IMMP2L: variants seen among roughly 807,000 people sequenced by gnomAD.
The protein encoded by IMMP2L is inner mitochondrial membrane peptidase subunit 2.
IMMP2L carries 18 observed loss-of-function variants against 19.3 expected under a neutral mutation model. The ratio of observed to expected loss-of-function variants is 0.93; its 90% CI spans 0.64 to 1.38. The LOEUF (loss-of-function observed/expected upper bound fraction) is 1.38, where lower values mean the gene tolerates loss of function less well. IMMP2L is among the 40% of genes most tolerant of loss of function. IMMP2L has a pLI of 0.00. For synonymous variants in IMMP2L, 76 were observed against 73.0 expected (o/e 1.04, Z -0.21); for missense variants, 233 against 218.2 (o/e 1.07, Z -0.43).
At chr7:111,383,166 G>A (rs1219971230) in intron 3 of IMMP2L, among the ~76,000 whole-genome samples, 1 of 152,092 alleles carries the variant, frequency 6.6e-6, no homozygotes, top group Non-Finnish European at 1.5e-5. Context: ...AGAGACTGAA[G>A]AGAATAAAGA....
intron 5 of IMMP2L, among the ~76,000 whole-genome samples, chr7:110,683,324 G>A (rs998926866): frequency 2.6e-5 from 4 of 151,996 alleles, no homozygotes; most frequent in African/African-American, 9.7e-5. Flanking sequence ...TTTGCTTTCA[G>A]AAGGGTAAAT....
chr7:111,084,475 T>C (rs1796145871), intron 3 of IMMP2L, among the ~76,000 whole-genome samples: 1 of 151,942 alleles, frequency 6.6e-6, no homozygotes, highest in African/African-American at 2.4e-5. Context: ...GACGGATGGA[T>C]GGATGGATGC....
chr7:110,750,746 C>T (rs1797667790), intron 5 of IMMP2L, among the ~76,000 whole-genome samples: 1 of 152,006 alleles, frequency 6.6e-6, no homozygotes, highest in South Asian at 2.1e-4. Flanking sequence ...TTTCTGTACA[C>T]AGGCCACATT....
intron 3 of IMMP2L, among the ~76,000 whole-genome samples, chr7:111,087,525 T>C (rs951899323): frequency 6.6e-6 from 1 of 151,618 alleles, no homozygotes. Context: ...AATTTATATA[T>C]CAATCCCAAT....
intron 3 of IMMP2L, among the ~76,000 whole-genome samples, chr7:111,451,550 T>TGG (rs1237954010): frequency 2.0e-5 from 2 of 100,544 alleles, no homozygotes; most frequent in African/African-American, 4.0e-5. Flanking sequence ...TATCACACTC[T>TGG]GGGGACTGTG....
At chr7:110,835,456 G>A (rs994333114) in intron 5 of IMMP2L, among the ~76,000 whole-genome samples, 4 of 152,078 alleles carry the variant, frequency 2.6e-5, no homozygotes, top group African/African-American at 9.7e-5. Flanking sequence ...GAAGGTCTCT[G>A]GCTCATCAAC....
Position 110,760,292 on chromosome 7 carries a change from C to A in IMMP2L, c.409-96571G>T, listed in dbSNP as rs1002488686. Among the ~76,000 whole-genome samples the A allele has an allele frequency of 5.3e-5, 8 of 152,088 alleles. No individual in the cohort carries two copies. Among genetic ancestry groups the A allele is most frequent in the African/African-American group, 1.4e-4 (6 of 41,426 alleles). ...ACATCCAATATTGGACTACCCTTCA[C>A]ATTAAGTTTAAATTGGAAACTTCTT... On this transcript the variant is annotated intron_variant, in intron 5 of 5. Coordinates refer to ENST00000405709, the MANE Select transcript of IMMP2L (RefSeq NM_032549.4). The surrounding 1 kb of genome is among the most constrained non-coding windows in gnomAD (Gnocchi z 4.2).
At chr7:111,438,384 G>T (rs994576638) in intron 3 of IMMP2L, among the ~76,000 whole-genome samples, 2 of 151,472 alleles carry the variant, frequency 1.3e-5, no homozygotes, top group African/African-American at 4.9e-5. Context: ...AAAAAAAGAA[G>T]ATTTTTATGA....
intron 5 of IMMP2L, among the ~76,000 whole-genome samples, chr7:110,879,861 G>A (rs1417541405): frequency 6.6e-6 from 1 of 152,020 alleles, no homozygotes; most frequent in East Asian, 1.9e-4. Flanking sequence ...GGTAAGAGAG[G>A]GCTTTCTTGC....
At chr7:110,786,614 T>C (rs983423138) in intron 5 of IMMP2L, among the ~76,000 whole-genome samples, 1 of 152,014 alleles carries the variant, frequency 6.6e-6, no homozygotes, top group African/African-American at 2.4e-5. Context: ...ATGATCTAAA[T>C]ATACAACACT....
chr7:111,086,340 T>A (rs147036545), intron 3 of IMMP2L, among the ~76,000 whole-genome samples: 2 of 151,684 alleles, frequency 1.3e-5, no homozygotes, highest in African/African-American at 4.8e-5. Context: ...CTCTGGAAGC[T>A]GAGGTAGGAG....
intron 4 of IMMP2L, among the ~76,000 whole-genome samples, chr7:110,956,873 G>A (rs1158373152): frequency 6.6e-6 from 1 of 151,866 alleles, no homozygotes; most frequent in Admixed American, 6.6e-5. Flanking sequence ...TTTCATTTGT[G>A]GTTGCCTCAC....
At chr7:111,071,989 A>G (rs1157922373) in intron 3 of IMMP2L, among the ~76,000 whole-genome samples, 4 of 152,226 alleles carry the variant, frequency 2.6e-5, no homozygotes, top group African/African-American at 7.2e-5. Context: ...GGGTCATGAC[A>G]AATGAGTGAA....
chr7:111,059,451 G>T (rs1423133700), intron 3 of IMMP2L, among the ~76,000 whole-genome samples: 2 of 152,234 alleles, frequency 1.3e-5, no homozygotes, highest in Admixed American at 1.3e-4. Context: ...GGAAAAGTAA[G>T]CATTTTCCCC....
chr7:110,931,931 C>T (rs1815535428), intron 4 of IMMP2L, among the ~76,000 whole-genome samples: 1 of 152,056 alleles, frequency 6.6e-6, no homozygotes, highest in South Asian at 2.1e-4. Flanking sequence ...TAAATACAGA[C>T]CCTATGTTCT....
intron 3 of IMMP2L, among the ~76,000 whole-genome samples, chr7:111,175,261 C>T (rs1219300517): frequency 1.3e-5 from 2 of 151,826 alleles, no homozygotes; most frequent in Non-Finnish European, 2.9e-5. Context: ...TTTTCCCCAT[C>T]TTAGCTTAGC....
chr7:110,921,572 A>C (rs928186057), intron 4 of IMMP2L, among the ~76,000 whole-genome samples: 3 of 152,196 alleles, frequency 2.0e-5, no homozygotes, highest in Admixed American at 1.3e-4. Flanking sequence ...TGTAAAGTGC[A>C]CATAAGAATT....
intron 3 of IMMP2L, among the ~76,000 whole-genome samples, chr7:111,293,003 A>G (rs974609635): frequency 6.6e-6 from 1 of 151,990 alleles, no homozygotes; most frequent in Non-Finnish European, 1.5e-5. Context: ...AAGTCAAAAG[A>G]CTTAACTCTT....
intron 3 of IMMP2L, among the ~76,000 whole-genome samples, chr7:111,437,609 A>AT (rs1283181512): frequency 1.6e-4 from 24 of 151,970 alleles, no homozygotes; most frequent in Non-Finnish European, 3.5e-4. Context: ...AAAAGATTTT[A>AT]TTTTTTAAAT....
Sources: allele counts gnomAD v4.1 joint callset (sites outside exome capture counted in the v4.1 genomes callset), GRCh38; gene constraint gnomAD v4.1.1; non-coding constraint Gnocchi (gnomAD v3.1); transcripts MANE v1.5; gene names NCBI Gene and HGNC (gene_info 2026-07-23, HGNC 2026-07-21).